Variants in UGT1A7 observed in about 807,000 individuals in gnomAD.
UGT1A7 encodes UDP-glucuronosyltransferase 1A7.
A neutral mutation model predicts 45.6 loss-of-function variants in UGT1A7; 33 were observed. The ratio of observed to expected loss-of-function variants is 0.72; its 90% CI spans 0.55 to 0.97. The LOEUF (loss-of-function observed/expected upper bound fraction) is 0.97, where lower values mean the gene tolerates loss of function less well. Ranked by LOEUF, UGT1A7 falls within the 50% of genes least tolerant of loss-of-function variation. The pLI is 0.00. For synonymous variants in UGT1A7, 274 were observed against 250.6 expected (o/e 1.09, Z -0.88); for missense variants, 684 against 666.2 (o/e 1.03, Z -0.29).
In UGT1A7 at chr2:233,747,894, T is replaced by C. The variant is rs576515200; in HGVS notation, c.856-19140T>C. 115 of 1,613,584 alleles carry C rather than the reference T, an allele frequency of 7.1e-5. 5 individuals are homozygous for C. In the South Asian group the frequency reaches 1.2e-3, roughly 17 times the overall value. On this transcript the variant is annotated intron_variant, in intron 1 of 4. Coordinates refer to ENST00000373426, the MANE Select transcript of UGT1A7 (RefSeq NM_019077.3). ...CCTGTCCTACCTTTGCCATGCTCTTTCTGCTCCTTATGCAAGCCTTGCCTC... is the reference window on the plus strand; with the variant it reads ...CCTGTCCTACCTTTGCCATGCTCTTCCTGCTCCTTATGCAAGCCTTGCCTC...
At chr2:233,698,151 C>A (rs2075427915) in intron 1 of UGT1A7, among the ~76,000 whole-genome samples, 1 of 152,160 alleles carries the variant, frequency 6.6e-6, no homozygotes, top group Non-Finnish European at 1.5e-5. Flanking sequence ...GTATTCCCAG[C>A]ATGTCGTCCT....
chr2:233,756,076 G>T (rs915859102), intron 1 of UGT1A7: 19 of 152,212 alleles, frequency 1.2e-4, no homozygotes, highest in African/African-American at 2.4e-5. Flanking sequence ...GAATGACAAT[G>T]AGAAAATCAA....
chr2:233,718,917 G>A (rs754582990), intron 1 of UGT1A7: 1 of 1,614,108 alleles, frequency 6.2e-7, no homozygotes. Flanking sequence ...AAAGGTGTTG[G>A]TGGTGCCCAC....
chr2:233,735,194 G>A (rs1453877809), intron 1 of UGT1A7, among the ~76,000 whole-genome samples: 1 of 152,090 alleles, frequency 6.6e-6, no homozygotes, highest in Admixed American at 6.5e-5. Flanking sequence ...GAATCTAGGT[G>A]CTCCTGTATT....
At chr2:233,740,403 G>A (rs1262585608) in intron 1 of UGT1A7, among the ~76,000 whole-genome samples, 1 of 151,904 alleles carries the variant, frequency 6.6e-6, no homozygotes, top group Non-Finnish European at 1.5e-5. Context: ...TCCCAAAATG[G>A]GGAAGTCTCT....
chr2:233,759,291 G>A (rs2003569), intron 1 of UGT1A7, among the ~76,000 whole-genome samples: 24,209 of 152,142 alleles, frequency 0.16, 2,312 homozygotes, highest in African/African-American at 0.25. Flanking sequence ...TGATGAAGCT[G>A]AGCCCTGAGT....
chr2:233,689,862 A>T, intron 1 of UGT1A7: 1 of 456,210 alleles, frequency 2.2e-6, no homozygotes, highest in Non-Finnish European at 4.4e-6. Context: ...GGCTACTATT[A>T]CCTTCTTGCT....
At chr2:233,693,466 C>T in intron 1 of UGT1A7, 1 of 1,614,120 alleles carries the variant, frequency 6.2e-7, no homozygotes, top group Middle Eastern at 1.6e-4. Flanking sequence ...CAGCCTTACC[C>T]TGTGGGGTGA....
rs777947055 is a variant in UGT1A7 at position 233,719,057 on chromosome 2, C to G, written c.855+36265C>G. The G allele has an allele frequency of 2.1e-5, 34 of 1,614,154 alleles. No homozygotes were observed. In the Admixed American group the frequency reaches 2.3e-4, roughly 11 times the overall value. On this transcript the variant is annotated intron_variant, in intron 1 of 4. Transcript: ENST00000373426. ...AAGAGAAATTTTTCACCCTGACAGC[C>G]TATGCTGTTCCATGGACCCAGAAGG...
chr2:233,734,873 G>A (rs1334248859), intron 1 of UGT1A7, among the ~76,000 whole-genome samples: 3 of 152,244 alleles, frequency 2.0e-5, no homozygotes, highest in Non-Finnish European at 2.9e-5. Flanking sequence ...ACTATGGTCT[G>A]AGAGACAGTT....
chr2:233,765,364 C>T (rs1321623468), intron 1 of UGT1A7, among the ~76,000 whole-genome samples: 1 of 152,168 alleles, frequency 6.6e-6, no homozygotes, highest in African/African-American at 2.4e-5. Flanking sequence ...CCCAGATGCC[C>T]ATCAATGGTA....
intron 1 of UGT1A7, among the ~76,000 whole-genome samples, chr2:233,736,258 T>G (rs1302567098): frequency 2.0e-5 from 3 of 152,238 alleles, no homozygotes; most frequent in Non-Finnish European, 2.9e-5. Flanking sequence ...ATTTCATTAA[T>G]TTGATCTTCA....
chr2:233,750,218 A>C (rs1694391813), intron 1 of UGT1A7, among the ~76,000 whole-genome samples: 1 of 151,876 alleles, frequency 6.6e-6, no homozygotes, highest in South Asian at 2.1e-4. Context: ...TCTCAGATGG[A>C]GATGAGGAAC....
intron 1 of UGT1A7, chr2:233,721,567 T>G (rs750626594): frequency 3.5e-4 from 56 of 162,222 alleles, no homozygotes; most frequent in Non-Finnish European, 4.6e-4. Context: ...TTCTGGGATA[T>G]CTTTTTCTTC....
chr2:233,695,554 A>T (rs1000632787), intron 1 of UGT1A7, among the ~76,000 whole-genome samples: 1 of 151,596 alleles, frequency 6.6e-6, no homozygotes, highest in African/African-American at 2.4e-5. Context: ...AATTTTAACC[A>T]ACCATTTTCA....
At chr2:233,686,680 T>C (rs965383160) in intron 1 of UGT1A7, among the ~76,000 whole-genome samples, 37 of 152,208 alleles carry the variant, frequency 2.4e-4, no homozygotes, top group African/African-American at 8.9e-4. Context: ...ACTCAGGATA[T>C]TCTGGTGGTG....
chr2:233,702,037 CA>C (rs1227411871), intron 1 of UGT1A7, among the ~76,000 whole-genome samples: 3 of 152,160 alleles, frequency 2.0e-5, no homozygotes, highest in South Asian at 2.1e-4. Context: ...AAAAACCCTT[CA>C]AAAAATTAAC....
At chr2:233,761,294 G>A in intron 1 of UGT1A7, 1 of 1,510,470 alleles carries the variant, frequency 6.6e-7, no homozygotes, top group East Asian at 2.3e-5. Context: ...TGACTCCTAG[G>A]TTTGAGTCTG....
intron 1 of UGT1A7, chr2:233,693,668 T>C: frequency 6.2e-7 from 1 of 1,614,236 alleles, no homozygotes; most frequent in South Asian, 1.1e-5. Context: ...GCCCTATCTA[T>C]TTTATTGTCT....
Sources: allele counts gnomAD v4.1 joint callset (sites outside exome capture counted in the v4.1 genomes callset), GRCh38; gene constraint gnomAD v4.1.1; transcripts MANE v1.5; gene names NCBI Gene and HGNC (gene_info 2026-07-23, HGNC 2026-07-21).